The following CPNE7 variants were observed in gnomAD, a reference collection of about 807,000 sequenced individuals.
The protein encoded by CPNE7 is copine 7.
In CPNE7, 78 loss-of-function variants were observed where a neutral mutation model predicts 66.5. The ratio of observed to expected loss-of-function variants is 1.17; its 90% CI spans 0.98 to 1.42. The LOEUF is 1.42. Ranked by LOEUF, CPNE7 falls within the 40% of genes most tolerant of loss-of-function variation. The pLI is 0.00. For synonymous variants in CPNE7, 468 were observed against 336.7 expected, an observed-to-expected ratio of 1.39 and a Z score of -4.27; for missense variants, 1,012 against 776.6, an observed-to-expected ratio of 1.30 and a Z score of -3.60.
intron 10 of CPNE7, among the ~76,000 whole-genome samples, chr16:89,589,692 C>T (rs1017938189): frequency 4.6e-5 from 7 of 152,144 alleles, no homozygotes; most frequent in Non-Finnish European, 8.8e-5. Flanking sequence ...GGCTCGCGGG[C>T]GGCAGGACCG....
In CPNE7 at chr16:89,577,463, G is replaced by A. The variant is rs142649340; in HGVS notation, c.175-76G>A. On this transcript the variant is annotated intron_variant, in intron 1 of 14. Transcript: ENST00000319518. ...CTGAGGTACCTGGGCGTGGGTGAGC[G>A]GCAGAGGGGAGATGGAGGTCTGGAG... The A allele has an allele frequency of 2.4e-3, 3,453 of 1,439,418 alleles. 34 individuals are homozygous for A. The highest frequency in any genetic ancestry group is 0.022 in the Middle Eastern group (95 of 4,328). The allele number at this position is 1,439,418 out of a possible 1,614,324, so 89.2% of individuals were successfully genotyped here. A position where few individuals can be genotyped will look rare whatever the true frequency, so the allele number is the denominator to read the frequency against.
rs574437481 is a variant in CPNE7 at position 89,588,952 on chromosome 16, C to G, written c.1061+144C>G. 5 of 944,756 alleles carry G rather than the reference C, an allele frequency of 5.3e-6. No homozygotes were observed. In the East Asian group the frequency reaches 1.1e-4, roughly 20 times the overall value. The allele number at this position is 944,756 out of a possible 1,614,324, so 58.5% of individuals were successfully genotyped here. ...CGGTTTTCCCTCACCCCCCTGGGCT[C>G]CAGGTCAGGCCTCGGGGCACCATGA... On this transcript the variant is annotated intron_variant, in intron 10 of 14. Coordinates refer to ENST00000319518, the MANE Select transcript of CPNE7 (RefSeq NM_153636.3).
Position 89,587,109 on chromosome 16 carries a change from C to G in CPNE7, c.927+7C>G, listed in dbSNP as rs749328078. ...CTGCCAGATCCACTTCACCGTGAGT[C>G]CATGGCCCCGCCCCATGCCGCCCCC... On this transcript the variant is annotated splice_region_variant and intron_variant, in intron 9 of 14. Coordinates refer to ENST00000319518, the MANE Select transcript of CPNE7 (RefSeq NM_153636.3). 4 of 1,537,286 alleles carry G rather than the reference C, an allele frequency of 2.6e-6. No homozygotes were observed. The highest frequency in any genetic ancestry group is 3.5e-6 in the Non-Finnish European group (4 of 1,139,220).
chr16:89,590,960 G>A (rs770041618), intron 11 of CPNE7, 47 bp from the exon 12 acceptor site: 4 of 1,608,772 alleles, frequency 2.5e-6, no homozygotes, highest in Non-Finnish European at 3.4e-6. Flanking sequence ...GGGCCAGTGG[G>A]GTGTGTTGCA....
At chr16:89,593,104 G>A (rs556611136) in intron 13 of CPNE7, among the ~76,000 whole-genome samples, 26 of 151,882 alleles carry the variant, frequency 1.7e-4, no homozygotes, top group African/African-American at 4.6e-4. Context: ...GGTGTGAGCC[G>A]CCGCACCTGG....
At chr16:89,577,958 A>G (rs1446683824) in intron 2 of CPNE7, among the ~76,000 whole-genome samples, 1 of 152,202 alleles carries the variant, frequency 6.6e-6, no homozygotes, top group Non-Finnish European at 1.5e-5. Context: ...GAGCGCCTCC[A>G]TCCTGCCCCA....
chr16:89,585,979 G>A (rs1167564143), intron 7 of CPNE7, among the ~76,000 whole-genome samples, 194 bp downstream of exon 7: 2 of 112,748 alleles, frequency 1.8e-5, no homozygotes, highest in African/African-American at 3.3e-5. Context: ...GGTTGGGGGG[G>A]CCTTTGGGGA....
At chr16:89,580,417 CCCA>C (rs1292527402) in intron 2 of CPNE7, among the ~76,000 whole-genome samples, 58 of 131,658 alleles carry the variant, frequency 4.4e-4, no homozygotes, top group Non-Finnish European at 7.2e-4. Flanking sequence ...CACGGAACAT[CCCA>C]TCACCCATCA....
chr16:89,596,225 G>A (rs1056550044), intron 14 of CPNE7, among the ~76,000 whole-genome samples: 3 of 151,910 alleles, frequency 2.0e-5, no homozygotes, highest in African/African-American at 7.3e-5. Flanking sequence ...TGTGGGTGGG[G>A]CCTGGACCAT....
At position 89,595,424 on chromosome 16, in the gene CPNE7, C is replaced by T. The variant is rs377210774; in HGVS notation, c.1360C>T (p.Arg454Trp). ...DGVVTDMADTREAIVRASRLP... is the reference protein window; with the variant it reads ...DGVVTDMADTWEAIVRASRLP... ...CGTGGTGACCGACATGGCCGACACACGGGAGGCCATTGTGCGTGCCTCACG... is the reference window on the plus strand; with the variant it reads ...CGTGGTGACCGACATGGCCGACACATGGGAGGCCATTGTGCGTGCCTCACG... Residue 454 changes from arginine (R) to tryptophan (W), a missense_variant, in exon 14 of 15, where the codon CGG (arginine) becomes TGG (tryptophan). Coordinates refer to ENST00000319518, the MANE Select transcript of CPNE7 (RefSeq NM_153636.3). 2.8e-5 allele frequency: 45 copies of T among 1,606,750 alleles called. No homozygotes were observed. Among genetic ancestry groups the T allele is most frequent in the Non-Finnish European group, 3.2e-5 (38 of 1,175,670 alleles).
rs897743388 is a variant in CPNE7 at position 89,579,086 on chromosome 16, C to T, written c.357+1365C>T. On this transcript the variant is annotated intron_variant, in intron 2 of 14. Transcript: ENST00000319518. Reference sequence around the variant, plus strand: ...TGGGGGGATCACGAGGTCAGGAGTTCGAGACCAGCCTGGCCAACATGATGA... The same window carrying T: ...TGGGGGGATCACGAGGTCAGGAGTTTGAGACCAGCCTGGCCAACATGATGA... 47 of 894,000 alleles carry T rather than the reference C, an allele frequency of 5.3e-5. No individual in the cohort carries two copies. In the East Asian group the frequency reaches 6.7e-4, roughly 13 times the overall value. The allele number at this position is 894,000 out of a possible 1,614,324, so 55.4% of individuals were successfully genotyped here.
chr16:89,580,553 CCCA>C (rs1374884312), intron 2 of CPNE7, among the ~76,000 whole-genome samples: 5 of 143,196 alleles, frequency 3.5e-5, no homozygotes, highest in East Asian at 2.1e-4. Flanking sequence ...CATGGAACAT[CCCA>C]TCACCCATCA....
At chr16:89,583,808 T>C (rs1448338605) in intron 3 of CPNE7, 37 bp downstream of exon 3, 3 of 1,603,014 alleles carry the variant, frequency 1.9e-6, no homozygotes, top group South Asian at 1.1e-5. Flanking sequence ...CTGCAGGCCC[T>C]GCTGCTGTGG....
At chr16:89,587,132 C>CCATG in intron 9 of CPNE7, 30 bp downstream of exon 9, 2 of 1,421,898 alleles carry the variant, frequency 1.4e-6, no homozygotes, top group Non-Finnish European at 1.9e-6. Flanking sequence ...CCATGCCGCC[C>CCATG]CCTCAGTCCG....
chr16:89,594,371 G>A (rs2059219432), intron 13 of CPNE7, among the ~76,000 whole-genome samples: 1 of 152,072 alleles, frequency 6.6e-6, no homozygotes. Flanking sequence ...CAGAGAGGGG[G>A]AGATGGGGAG....
At chr16:89,587,806 G>A (rs1285511667) in intron 9 of CPNE7, 2 of 25,656 alleles carry the variant, frequency 7.8e-5, no homozygotes, top group African/African-American at 3.3e-4. Flanking sequence ...ACAGATACAC[G>A]GCCCCCCGTG....
rs943037764 is a variant in CPNE7 at position 89,584,164 on chromosome 16, C to G, written c.507+62C>G. 6.5e-7 allele frequency: 1 copy of G among 1,538,406 alleles called. No homozygotes were observed. On this transcript the variant is annotated intron_variant, in intron 4 of 14. Coordinates refer to ENST00000319518, the MANE Select transcript of CPNE7 (RefSeq NM_153636.3). The surrounding 1 kb of genome is among the most constrained non-coding windows in gnomAD (Gnocchi z 6.0). ...AGGTCCGGGAACCGGTTCGAAAACC[C>G]GGTCCCTGCCCAGCGCTGACCTCGC... is the stretch of plus-strand genomic sequence containing the variant.
intron 14 of CPNE7, 78 bp from the exon 15 acceptor site, chr16:89,596,406 G>A: frequency 6.5e-7 from 1 of 1,529,128 alleles, no homozygotes; most frequent in South Asian, 1.3e-5. Flanking sequence ...GATGAGGCCT[G>A]GGCCATAATC....
chr16:89,595,665 C>T (rs1019313535), intron 14 of CPNE7, 62 bp downstream of exon 14: 6 of 1,411,044 alleles, frequency 4.3e-6, no homozygotes, highest in Non-Finnish European at 4.0e-6. Context: ...TGTCACTGCC[C>T]AAGACCTTCC....
Sources: gnomAD v4.1 joint callset for allele counts (sites outside exome capture counted in the v4.1 genomes callset) on GRCh38, gnomAD v4.1.1 for gene constraint, Gnocchi (gnomAD v3.1) non-coding constraint, MANE v1.5 for transcripts, NCBI Gene and HGNC (gene_info 2026-07-23, HGNC 2026-07-21) for gene names.